The following ZBTB25 variants were observed in gnomAD, a reference collection of about 807,000 sequenced individuals.
ZBTB25 encodes the protein zinc finger and BTB domain containing 25.
In ZBTB25, 20 loss-of-function variants were observed where a neutral mutation model predicts 34.2. The ratio of observed to expected loss-of-function variants is 0.58; its 90% confidence interval spans 0.41 to 0.85. The LOEUF is 0.85. Among genes scored for constraint, ZBTB25 ranks in the 40% least tolerant of loss-of-function variants. The probability of loss-of-function intolerance (pLI) is 0.00; values close to 1 mark genes in which losing one functional copy is unlikely to be tolerated. For synonymous variants in ZBTB25, 175 were observed against 186.4 expected (o/e 0.94, Z 0.50); for missense variants, 437 against 521.8 (o/e 0.84, Z 1.58).
At chr14:64,454,012 G>T (rs1013679772) in intron 2 of ZBTB25, 8 of 690,426 alleles carry the variant, frequency 1.2e-5, no homozygotes, top group Non-Finnish European at 1.9e-5. Context: ...TTTGGATTAG[G>T]TGGCACAGTC....
At position 64,487,902 on chromosome 14, in the gene ZBTB25, A is replaced by G; in HGVS notation, c.329T>C (p.Ile110Thr). The G allele has an allele frequency of 1.2e-6, 2 of 1,614,080 alleles. No homozygotes were observed. Among genetic ancestry groups the G allele is most frequent in the Non-Finnish European group, 1.7e-6 (2 of 1,179,982 alleles). Reference sequence around the variant, plus strand: ...GAACACTTGATTCATTTCAGTTGCAATGTGAGAAAGGTAGTCGGCGTGAAG... The same window carrying G: ...GAACACTTGATTCATTTCAGTTGCAGTGTGAGAAAGGTAGTCGGCGTGAAG... ...RFLHADYLSHIATEMNQVFSP... is the reference protein window; with the variant it reads ...RFLHADYLSHTATEMNQVFSP... The change falls in exon 3 of 3, where the codon ATT becomes ACT. Residue 110 changes from isoleucine (I) to threonine (T), a missense_variant. Transcript: ENST00000608382.
At chr14:64,497,211 T>C (rs552716591) in intron 1 of ZBTB25, among the ~76,000 whole-genome samples, 3 of 152,200 alleles carry the variant, frequency 2.0e-5, no homozygotes, top group Non-Finnish European at 2.9e-5. Flanking sequence ...CAAACTTGTT[T>C]TGCATAATAG....
At chr14:64,501,282 CT>C (rs1167512799) in intron 1 of ZBTB25, among the ~76,000 whole-genome samples, 1 of 152,140 alleles carries the variant, frequency 6.6e-6, no homozygotes, top group Non-Finnish European at 1.5e-5. Context: ...TACACTATCT[CT>C]TAAAATCGTC....
chr14:64,489,656 C>T (rs2141027892), intron 2 of ZBTB25, among the ~76,000 whole-genome samples: 1 of 151,762 alleles, frequency 6.6e-6, no homozygotes, highest in Non-Finnish European at 1.5e-5. Context: ...CTCCCTCAGC[C>T]TCCCGAGTAG....
At chr14:64,500,324 G>C (rs190393923) in intron 1 of ZBTB25, among the ~76,000 whole-genome samples, 20 of 152,070 alleles carry the variant, frequency 1.3e-4, no homozygotes, top group African/African-American at 3.6e-4. Flanking sequence ...AAAAACCTTT[G>C]CTTAAAGTGC....
chr14:64,503,666 T>A lies in ZBTB25; in HGVS notation c.-13A>T. 5 of 911,604 alleles carry A rather than the reference T, an allele frequency of 5.5e-6. No homozygotes were observed. Among genetic ancestry groups the A allele is most frequent in the Non-Finnish European group, 6.6e-6 (5 of 763,078 alleles). The allele number at this position is 911,604 out of a possible 1,614,324, so 56.5% of individuals were successfully genotyped here. Reference sequence around the variant, plus strand: ...GGCAGGACCGCGTCGCTTACCCAGATGCCGCCGCGGCGGCAGGCCGACTCC... The same window carrying A: ...GGCAGGACCGCGTCGCTTACCCAGAAGCCGCCGCGGCGGCAGGCCGACTCC... On this transcript the variant is annotated 5_prime_UTR_variant, in exon 1 of 3. Transcript: ENST00000608382.
intron 2 of ZBTB25, among the ~76,000 whole-genome samples, chr14:64,454,216 G>A (rs1158991713): frequency 6.6e-6 from 1 of 152,116 alleles, no homozygotes; most frequent in African/African-American, 2.4e-5. Flanking sequence ...AGGCTCAAGC[G>A]ATCCTCCCAC....
At chr14:64,490,149 A>C (rs1321213165) in intron 2 of ZBTB25, among the ~76,000 whole-genome samples, 1 of 132,992 alleles carries the variant, frequency 7.5e-6, no homozygotes, top group Non-Finnish European at 1.5e-5. Context: ...CAGAGGTTGC[A>C]GTGAGCCGAC....
chr14:64,503,077 G>A, intron 1 of ZBTB25: 4 of 985,478 alleles, frequency 4.1e-6, no homozygotes, highest in Non-Finnish European at 4.8e-6. Flanking sequence ...GGTAACAACT[G>A]ATTACTCCAA....
chr14:64,453,162 G>A (rs1454798433), intron 2 of ZBTB25, among the ~76,000 whole-genome samples: 3 of 151,900 alleles, frequency 2.0e-5, no homozygotes, highest in African/African-American at 4.8e-5. Flanking sequence ...ATTAATATGT[G>A]TATCTATATC....
At chr14:64,467,004 T>G (rs542553628) in intron 2 of ZBTB25, 2 of 152,346 alleles carry the variant, frequency 1.3e-5, no homozygotes, top group African/African-American at 4.8e-5. Context: ...TATAAAGAAT[T>G]TCAAAAGCTT....
At position 64,487,164 on chromosome 14, in the gene ZBTB25, T is replaced by C. The variant is rs922153678; in HGVS notation, c.1067A>G (p.His356Arg). The part of the protein sequence containing the change: ...KRKMSCTICG[H>R]KFPRKSQLLE... Reference sequence around the variant, plus strand: ...CAATTGGCTCTTTCGAGGGAATTTATGACCACAGATGGTACAGCTCATTTT... The same window carrying C: ...CAATTGGCTCTTTCGAGGGAATTTACGACCACAGATGGTACAGCTCATTTT... Residue 356 changes from histidine to arginine, a missense_variant, in exon 3 of 3, where the codon CAT (histidine) becomes CGT (arginine). His to Arg is a conservative substitution (Grantham distance 29). Coordinates refer to ENST00000608382, the MANE Select transcript of ZBTB25 (RefSeq NM_006977.5). 1.4e-5 allele frequency: 23 copies of C among 1,614,104 alleles called. No individual in the cohort carries two copies. Among genetic ancestry groups the C allele is most frequent in the Middle Eastern group, 3.3e-4 (2 of 6,062 alleles).
chr14:64,450,457 C>T (rs1352492912), intron 2 of ZBTB25, among the ~76,000 whole-genome samples: 2 of 152,180 alleles, frequency 1.3e-5, no homozygotes, highest in African/African-American at 4.8e-5. Context: ...TTTTTTCCAT[C>T]ACTAAGCAAA....
At chr14:64,453,745 G>A (rs1189486319) in intron 2 of ZBTB25, 3 of 1,551,392 alleles carry the variant, frequency 1.9e-6, no homozygotes, top group Non-Finnish European at 2.7e-6. Flanking sequence ...TCTCTTTCTT[G>A]TGCATTAGCT....
chr14:64,476,937 T>C (rs1455136768), downstream of ZBTB25, among the ~76,000 whole-genome samples: 1 of 152,196 alleles, frequency 6.6e-6, no homozygotes, highest in African/African-American at 2.4e-5. Flanking sequence ...GACTTATATT[T>C]TTCTGAGTGG....
At chr14:64,493,168 G>A (rs1309572479) in intron 1 of ZBTB25, among the ~76,000 whole-genome samples, 3 of 152,192 alleles carry the variant, frequency 2.0e-5, no homozygotes, top group East Asian at 1.9e-4. Context: ...AAGTAGTGTC[G>A]TGTTTGAAGT....
chr14:64,503,596 G>C, intron 1 of ZBTB25, 65 bp downstream of exon 1: 1 of 985,744 alleles, frequency 1.0e-6, no homozygotes, highest in South Asian at 4.7e-5. Flanking sequence ...CCGCCGCCCT[G>C]GGTGGCTCGC....
chr14:64,456,582 T>C (rs889639087), intron 2 of ZBTB25, among the ~76,000 whole-genome samples: 1 of 152,204 alleles, frequency 6.6e-6, no homozygotes, highest in African/African-American at 2.4e-5. Flanking sequence ...TCTGCTGACA[T>C]GCACATGCCC....
chr14:64,480,608 T>A lies in ZBTB25; in HGVS notation c.*6315A>T, dbSNP rs1458969959. The A allele has an allele frequency of 6.2e-6, 1 of 162,010 alleles. No homozygotes were observed. Among genetic ancestry groups the A allele is most frequent in the Non-Finnish European group, 1.4e-5 (1 of 73,734 alleles). 10.0% of individuals were successfully genotyped at this position (162,010 alleles called of 1,614,324 possible). ...GAACACATTCTATAAGCTAAGCTAA[T>A]AAACTTGTTTTTGATTAAGTCACAT... On this transcript the variant is annotated 3_prime_UTR_variant, in exon 3 of 3. Transcript: ENST00000608382.
Sources: gnomAD v4.1 joint callset for allele counts (sites outside exome capture counted in the v4.1 genomes callset) on GRCh38, gnomAD v4.1.1 for gene constraint, MANE v1.5 for transcripts, NCBI Gene and HGNC (gene_info 2026-07-23, HGNC 2026-07-21) for gene names.